The following EXOC4 variants were observed in gnomAD, a reference collection of about 807,000 sequenced individuals.
EXOC4 encodes exocyst complex component 4, also known as SEC8-like 1.
A neutral mutation model predicts 107.2 loss-of-function variants in EXOC4; 71 were observed. That is an observed-to-expected ratio of 0.66 (90% confidence interval 0.55 to 0.81). The LOEUF (loss-of-function observed/expected upper bound fraction) is 0.81, where lower values mean the gene tolerates loss of function less well. Among genes scored for constraint, EXOC4 ranks in the 30% least tolerant of loss-of-function variants. The probability of loss-of-function intolerance (pLI) is 0.00; values close to 1 mark genes in which losing one functional copy is unlikely to be tolerated. For missense variants in EXOC4, 1,108 were observed against 1,189.6 expected, an observed-to-expected ratio of 0.93 and a Z score of 1.01; for synonymous variants, 456 against 441.2, an observed-to-expected ratio of 1.03 and a Z score of -0.42.
At chr7:133,536,515 C>T (rs990159264) in intron 9 of EXOC4, among the ~76,000 whole-genome samples, 2 of 151,734 alleles carry the variant, frequency 1.3e-5, no homozygotes, top group African/African-American at 4.8e-5. Context: ...CCAGTCATAC[C>T]CATTGTCTAC....
intron 14 of EXOC4, among the ~76,000 whole-genome samples, chr7:133,994,351 G>T (rs1794331518): frequency 6.6e-6 from 1 of 152,088 alleles, no homozygotes; most frequent in South Asian, 2.1e-4. Context: ...TGCCTATCGG[G>T]GGGAGGAGGG....
chr7:133,885,713 T>C (rs899228867), intron 11 of EXOC4, among the ~76,000 whole-genome samples: 3 of 152,100 alleles, frequency 2.0e-5, no homozygotes, highest in Admixed American at 1.3e-4. Context: ...CTAGGAATAG[T>C]ATTCCAGACA....
At position 133,956,045 on chromosome 7, in the gene EXOC4, G is replaced by A. The variant is rs1800811748; in HGVS notation, c.2206+17976G>A. Among the ~76,000 whole-genome samples, 8 of 152,320 alleles carry A rather than the reference G, an allele frequency of 5.3e-5. No individual in the cohort carries two copies. The South Asian group carries it at 1.7e-3, about 32-fold the overall frequency. On this transcript the variant is annotated intron_variant, in intron 14 of 17. Coordinates refer to ENST00000253861, the MANE Select transcript of EXOC4 (RefSeq NM_021807.4). ...ACCTGGGAGGGCAGGGCTCCTGCCT[G>A]CTCCTGGCCCCCAAGAGCACAGGGA...
At chr7:133,570,172 AT>A (rs1477825584) in intron 9 of EXOC4, among the ~76,000 whole-genome samples, 1 of 152,194 alleles carries the variant, frequency 6.6e-6, no homozygotes, top group Admixed American at 6.5e-5. Flanking sequence ...TCAATATATA[AT>A]GTATAATAGA....
chr7:133,491,222 G>T (rs1799366056), intron 9 of EXOC4, among the ~76,000 whole-genome samples: 1 of 152,198 alleles, frequency 6.6e-6, no homozygotes, highest in Non-Finnish European at 1.5e-5. Context: ...CATGAATATT[G>T]TAATAGTCAT....
chr7:133,597,633 G>A (rs534666673), intron 9 of EXOC4, among the ~76,000 whole-genome samples: 63 of 151,574 alleles, frequency 4.2e-4, no homozygotes, highest in Admixed American at 1.3e-3. Flanking sequence ...TCATTCTTCG[G>A]CTATACAGTG....
intron 10 of EXOC4, among the ~76,000 whole-genome samples, chr7:133,726,467 C>A (rs966541235): frequency 2.0e-5 from 3 of 152,240 alleles, no homozygotes; most frequent in Non-Finnish European, 4.4e-5. Flanking sequence ...CCCCTTACCC[C>A]ATTCAGAGGC....
intron 7 of EXOC4, among the ~76,000 whole-genome samples, chr7:133,412,006 A>T (rs1797367498): frequency 6.6e-6 from 1 of 151,986 alleles, no homozygotes; most frequent in Non-Finnish European, 1.5e-5. Context: ...TTGATTTTGC[A>T]TTGCAAGTTT....
intron 11 of EXOC4, among the ~76,000 whole-genome samples, chr7:133,887,215 A>T (rs1180048276): frequency 6.6e-6 from 1 of 152,164 alleles, no homozygotes; most frequent in African/African-American, 2.4e-5. Context: ...CTCTGCAATA[A>T]ATACAAACCA....
At chr7:133,407,014 C>G (rs962671854) in intron 7 of EXOC4, among the ~76,000 whole-genome samples, 4 of 152,146 alleles carry the variant, frequency 2.6e-5, no homozygotes, top group African/African-American at 9.7e-5. Flanking sequence ...AGTTAGGTTC[C>G]TCTGAGCCCT....
chr7:133,825,591 T>C (rs1333064114), intron 11 of EXOC4, among the ~76,000 whole-genome samples: 2 of 152,220 alleles, frequency 1.3e-5, no homozygotes, highest in Non-Finnish European at 2.9e-5. Context: ...GCTAAGGCAC[T>C]GCCAGTAACT....
At chr7:133,981,690 G>A (rs1194515994) in intron 14 of EXOC4, among the ~76,000 whole-genome samples, 1 of 152,090 alleles carries the variant, frequency 6.6e-6, no homozygotes, top group Non-Finnish European at 1.5e-5. Context: ...AAAACAGGTG[G>A]CGATTCCTCA....
chr7:133,553,634 T>C (rs1461594015), intron 9 of EXOC4, among the ~76,000 whole-genome samples: 1 of 152,220 alleles, frequency 6.6e-6, no homozygotes, highest in Non-Finnish European at 1.5e-5. Flanking sequence ...ATCTCAGATA[T>C]GACTTTGTCC....
At chr7:134,077,919 C>A in the EXOC4 span, among the ~76,000 whole-genome samples, 2 of 152,168 alleles carry the variant, frequency 1.3e-5, no homozygotes, top group African/African-American at 4.8e-5. Flanking sequence ...TAAACTCATT[C>A]CATAAAACAA....
intron 8 of EXOC4, among the ~76,000 whole-genome samples, chr7:133,477,618 A>G (rs948775320): frequency 6.6e-6 from 1 of 152,132 alleles, no homozygotes; most frequent in African/African-American, 2.4e-5. Context: ...AAACACTCAT[A>G]TGCAGGTTTT....
chr7:133,661,674 AAAAAAAAAAAAAAAC>A (rs892250752), intron 10 of EXOC4, among the ~76,000 whole-genome samples: 3 of 43,130 alleles, frequency 7.0e-5, no homozygotes, highest in African/African-American at 2.0e-4. Context: ...CTTAAAACTA[AAAAAAAAAAAAAAAC>A]AAAAAAAAAA....
chr7:133,655,133 T>C (rs1347176043), intron 10 of EXOC4, among the ~76,000 whole-genome samples: 1 of 152,100 alleles, frequency 6.6e-6, no homozygotes, highest in African/African-American at 2.4e-5. Context: ...ATATTTTTCT[T>C]TCTTCAATAA....
intron 14 of EXOC4, among the ~76,000 whole-genome samples, chr7:133,938,851 G>A (rs1343437255): frequency 6.6e-6 from 1 of 152,196 alleles, no homozygotes; most frequent in Non-Finnish European, 1.5e-5. Context: ...TGCCCAGGCT[G>A]GAGTGCAGTG....
intron 9 of EXOC4, among the ~76,000 whole-genome samples, chr7:133,627,425 A>G (rs1802482279): frequency 6.6e-6 from 1 of 152,186 alleles, no homozygotes. Flanking sequence ...ATTGGAAATC[A>G]TCTAGTCTAT....
Sources: gnomAD v4.1 joint callset for allele counts (sites outside exome capture counted in the v4.1 genomes callset) on GRCh38, gnomAD v4.1.1 for gene constraint, MANE v1.5 for transcripts, NCBI Gene and HGNC (gene_info 2026-07-23, HGNC 2026-07-21) for gene names.